Variants in NLGN4X observed in about 807,000 individuals in gnomAD.
NLGN4X encodes neuroligin-4, X-linked.
Under a neutral mutation model 40.3 loss-of-function variants are expected in NLGN4X, and 3 were observed. The ratio of observed to expected loss-of-function variants is 0.07; its 90% CI spans 0.03 to 0.19. NLGN4X has a LOEUF of 0.19. Ranked by LOEUF, NLGN4X falls within the 10% of genes least tolerant of loss-of-function variation. The probability of loss-of-function intolerance (pLI) is 1.00; values close to 1 mark genes in which losing one functional copy is unlikely to be tolerated. For synonymous variants in NLGN4X, 270 were observed against 306.8 expected (o/e 0.88, Z 1.25); for missense variants, 382 against 708.3 (o/e 0.54, Z 5.23).
intron 2 of NLGN4X, among the ~76,000 whole-genome samples, chrX:6,050,773 G>A (rs200843153): frequency 1.2e-3 from 63 of 53,709 alleles, no homozygotes; most frequent in Middle Eastern, 0.019. Context: ...CTGTCTGTCT[G>A]TCCATCTATC....
chrX:6,148,511 C>A (rs766719232), intron 2 of NLGN4X, among the ~76,000 whole-genome samples: 45 of 110,910 alleles, frequency 4.1e-4, no homozygotes, highest in African/African-American at 1.5e-3. Flanking sequence ...TGCATTGGTT[C>A]TTTTTTTGTT....
intron 1 of NLGN4X, among the ~76,000 whole-genome samples, chrX:6,184,540 TG>T (rs200465346): frequency 8.6e-5 from 7 of 80,999 alleles, no homozygotes; most frequent in South Asian, 5.8e-4. Flanking sequence ...GAACAAATGC[TG>T]GGGGGGGTGG....
chrX:6,008,523 T>C (rs934757054), intron 3 of NLGN4X, among the ~76,000 whole-genome samples: 8 of 111,606 alleles, frequency 7.2e-5, no homozygotes, highest in African/African-American at 2.6e-4. Flanking sequence ...TGTGAATACA[T>C]AGAGATGGGT....
intron 1 of NLGN4X, among the ~76,000 whole-genome samples, chrX:6,163,017 T>C (rs5915651): frequency 0.071 from 7,922 of 111,151 alleles, 220 homozygotes; most frequent in East Asian, 0.15. Flanking sequence ...CTCGTGATAG[T>C]AAGTCTCATG....
chrX:5,929,392 A>G, intron 3 of NLGN4X, among the ~76,000 whole-genome samples: 1 of 111,712 alleles, frequency 9.0e-6, no homozygotes, highest in Non-Finnish European at 1.9e-5. Flanking sequence ...ACTTGAACCC[A>G]GGAGGTGGAG....
At chrX:6,183,113 G>C (rs918455983) in intron 1 of NLGN4X, among the ~76,000 whole-genome samples, 5 of 112,001 alleles carry the variant, frequency 4.5e-5, no homozygotes, top group African/African-American at 1.6e-4. Flanking sequence ...CAATTGAAAC[G>C]ATTCTCTATA....
intron 5 of NLGN4X, among the ~76,000 whole-genome samples, chrX:5,899,586 A>G (rs2031723006): frequency 8.9e-6 from 1 of 111,751 alleles, no homozygotes; most frequent in Non-Finnish European, 1.9e-5. Flanking sequence ...CGGCTCTCTC[A>G]GACCTTCGTG....
chrX:6,044,133 A>ATAAATAAATAAATAAATAAATAAC (rs1342341154), intron 2 of NLGN4X, among the ~76,000 whole-genome samples: 2 of 97,531 alleles, frequency 2.1e-5, no homozygotes, highest in Non-Finnish European at 4.3e-5. Context: ...AAATAAATAA[A>ATAAATAAATAAATAAATAAATAAC]TAACAAAATC....
At chrX:6,103,964 C>T (rs1226311720) in intron 2 of NLGN4X, among the ~76,000 whole-genome samples, 4 of 111,852 alleles carry the variant, frequency 3.6e-5, no homozygotes, top group Non-Finnish European at 5.6e-5. Flanking sequence ...CAATTGGGTG[C>T]ACCTGAGTGT....
intron 3 of NLGN4X, chrX:5,991,304 G>A: frequency 2.6e-6 from 1 of 382,893 alleles, no homozygotes; most frequent in Non-Finnish European, 4.7e-6. Context: ...TCTTCTTAGG[G>A]GATTCCTCCT....
chrX:5,969,916 CA>C (rs2034968020), intron 3 of NLGN4X, among the ~76,000 whole-genome samples: 1 of 106,625 alleles, frequency 9.4e-6, no homozygotes, highest in Non-Finnish European at 1.9e-5. Flanking sequence ...AGCAAACTAT[CA>C]CAAGGAAAAA....
chrX:6,157,425 T>A (rs1462279606), intron 1 of NLGN4X, among the ~76,000 whole-genome samples: 1 of 112,166 alleles, frequency 8.9e-6, no homozygotes, highest in Non-Finnish European at 1.9e-5. Flanking sequence ...AGGGCATACA[T>A]CTTTCTAGAG....
chrX:6,161,521 A>G (rs1488211520), intron 1 of NLGN4X, among the ~76,000 whole-genome samples: 1 of 104,350 alleles, frequency 9.6e-6, no homozygotes, highest in Non-Finnish European at 1.9e-5. Flanking sequence ...AAACATTCAC[A>G]GGAGCTTAAT....
intron 2 of NLGN4X, among the ~76,000 whole-genome samples, chrX:6,131,263 C>T: frequency 9.0e-6 from 1 of 111,494 alleles, no homozygotes; most frequent in Non-Finnish European, 1.9e-5. Context: ...ATATGTTACT[C>T]TCCCCTTCTT....
rs1205484745 is a variant in NLGN4X at position 6,141,831 on chromosome X, T to A, written c.472+9164A>T. Among the ~76,000 whole-genome samples the A allele has an allele frequency of 2.7e-5, 3 of 109,637 alleles. No individual in the cohort carries two copies. The South Asian group carries it at 1.1e-3, about 42-fold the overall frequency. Reference sequence around the variant, plus strand: ...AAGACTGTCTCAAACATAAAAAAAATAAAATTAAAAAAATAAATAATAAAA... The same window carrying A: ...AAGACTGTCTCAAACATAAAAAAAAAAAAATTAAAAAAATAAATAATAAAA... On this transcript the variant is annotated intron_variant, in intron 2 of 5. Transcript: ENST00000381095.
chrX:5,980,361 T>C (rs781596442), intron 3 of NLGN4X, among the ~76,000 whole-genome samples: 1 of 110,273 alleles, frequency 9.1e-6, no homozygotes, highest in Non-Finnish European at 1.9e-5. Context: ...TCATGTAGCA[T>C]AAGCATTTTT....
At chrX:6,113,972 C>A (rs1458985522) in intron 2 of NLGN4X, among the ~76,000 whole-genome samples, 1 of 110,674 alleles carries the variant, frequency 9.0e-6, no homozygotes, top group Non-Finnish European at 1.9e-5. Context: ...AGGTGTGCAC[C>A]ACTACGCCCG....
intron 2 of NLGN4X, among the ~76,000 whole-genome samples, chrX:6,038,496 T>C (rs1307432266): frequency 8.8e-6 from 1 of 113,205 alleles, no homozygotes; most frequent in Non-Finnish European, 1.9e-5. Flanking sequence ...GACCTTCAGA[T>C]GATTTTCGGA....
intron 2 of NLGN4X, among the ~76,000 whole-genome samples, chrX:6,102,675 G>T (rs12012391): frequency 5.5e-3 from 346 of 62,790 alleles, no homozygotes; most frequent in African/African-American, 0.02. Flanking sequence ...TACATACATA[G>T]ACAGATAGAT....
Sources: gnomAD v4.1 joint callset for allele counts (sites outside exome capture counted in the v4.1 genomes callset) on GRCh38, gnomAD v4.1.1 for gene constraint, MANE v1.5 for transcripts, NCBI Gene and HGNC (gene_info 2026-07-23, HGNC 2026-07-21) for gene names.